REPS1: variants seen among roughly 807,000 people sequenced by gnomAD.
REPS1 encodes RALBP1 associated Eps domain containing 1, also known as ralBP1-associated Eps domain-containing protein 1.
REPS1 carries 39 observed loss-of-function variants against 100.9 expected under a neutral mutation model. That is an observed-to-expected ratio of 0.39 (90% confidence interval 0.30 to 0.50). The LOEUF (loss-of-function observed/expected upper bound fraction) is 0.50, where lower values mean the gene tolerates loss of function less well. REPS1 is among the 20% of genes least tolerant of loss of function. The pLI is 0.86. For missense variants in REPS1, 821 were observed against 968.5 expected (o/e 0.85, Z 2.02); for synonymous variants, 324 against 340.3 (o/e 0.95, Z 0.53).
At chr6:138,978,546 G>C (rs1375090312) in intron 1 of REPS1, among the ~76,000 whole-genome samples, 1 of 151,814 alleles carries the variant, frequency 6.6e-6, no homozygotes, top group East Asian at 1.9e-4. Context: ...CCGGGCTCAA[G>C]TGATCTGCCC....
intron 1 of REPS1, among the ~76,000 whole-genome samples, chr6:138,949,242 G>T (rs1028939627): frequency 1.3e-5 from 2 of 152,214 alleles, no homozygotes; most frequent in Non-Finnish European, 2.9e-5. Context: ...GACATTTTGG[G>T]AAGACACCAG....
At chr6:138,919,338 A>G (rs1273351944) in intron 12 of REPS1, among the ~76,000 whole-genome samples, 1 of 152,148 alleles carries the variant, frequency 6.6e-6, no homozygotes, top group Non-Finnish European at 1.5e-5. Flanking sequence ...GATTACCGCT[A>G]TCTCCTAAAT....
intron 1 of REPS1, among the ~76,000 whole-genome samples, chr6:138,974,756 C>T (rs1193973848): frequency 6.6e-6 from 1 of 152,096 alleles, no homozygotes; most frequent in East Asian, 1.9e-4. Flanking sequence ...TTCAAATATA[C>T]AGACTTTAAG....
rs1779503169 is a variant in REPS1, at chr6:138,904,198, T to C, written c.*866A>G. On this transcript the variant is annotated 3_prime_UTR_variant, in exon 20 of 20. Transcript: ENST00000450536. ...AAACAAAATCTAAAACAGCATATTG[T>C]CCTGAATAAGGCATACTCCAGAAAC... 1.3e-5 allele frequency: 2 copies of C among 152,182 alleles called. No homozygotes were observed. The highest frequency in any genetic ancestry group is 2.9e-5 in the Non-Finnish European group (2 of 68,010). 9.4% of individuals were successfully genotyped at this position (152,182 alleles called of 1,614,324 possible).
At chr6:138,982,953 C>T (rs1227747509) in intron 1 of REPS1, among the ~76,000 whole-genome samples, 1 of 152,124 alleles carries the variant, frequency 6.6e-6, no homozygotes, top group Non-Finnish European at 1.5e-5. Flanking sequence ...CTACTTACTA[C>T]GCAAAGGAGT....
intron 15 of REPS1, 85 bp downstream of exon 15, chr6:138,914,612 T>C: frequency 9.1e-7 from 1 of 1,095,812 alleles, no homozygotes; most frequent in South Asian, 1.3e-5. Context: ...ATTCCTGACC[T>C]TCCAAATAAT....
chr6:138,949,938 T>C (rs574374753), intron 1 of REPS1, among the ~76,000 whole-genome samples: 1 of 152,238 alleles, frequency 6.6e-6, no homozygotes, highest in East Asian at 1.9e-4. Context: ...CACATGTTGT[T>C]TTCTAGTTTA....
chr6:138,976,471 G>A (rs1784610014), intron 1 of REPS1, among the ~76,000 whole-genome samples: 1 of 152,182 alleles, frequency 6.6e-6, no homozygotes, highest in African/African-American at 2.4e-5. Context: ...TCATGATAGT[G>A]ACGGTGATTA....
In REPS1 at chr6:138,908,730, A is replaced by C. The variant is rs777946977; in HGVS notation, c.2154T>G (p.Asp718Glu). ...KSEDELRPEV[D>E]EHTQKTGVLA... ...AGACACCCGTCTTTTGTGTATGTTC[A>C]TCAACTTCTGGCCTTAATTCATCTT... Residue 718 changes from aspartate to glutamate, a missense_variant, in exon 18 of 20, where the codon GAT (aspartate) becomes GAG (glutamate). Around this residue, in one of 3 missense-constraint regions of REPS1, gnomAD observed 757 missense variants for 866.4 expected, o/e 0.87. Coordinates refer to ENST00000450536, the MANE Select transcript of REPS1 (RefSeq NM_001286611.2). 2.5e-6 allele frequency: 4 copies of C among 1,614,166 alleles called. No individual in the cohort carries two copies. Among genetic ancestry groups the C allele is most frequent in the Non-Finnish European group, 2.5e-6 (3 of 1,179,988 alleles).
intron 2 of REPS1, 104 bp downstream of exon 2, chr6:138,947,686 C>CA (rs1782730568): frequency 1.9e-6 from 2 of 1,069,598 alleles, no homozygotes; most frequent in Non-Finnish European, 2.6e-6. Flanking sequence ...CTCAAGGTCA[C>CA]AAATGCCACT....
At chr6:138,906,021 A>G (rs1562505033) in intron 19 of REPS1, among the ~76,000 whole-genome samples, 2 of 152,226 alleles carry the variant, frequency 1.3e-5, no homozygotes, top group Non-Finnish European at 2.9e-5. Context: ...CTGTTCTCAG[A>G]AGTAAGGAAA....
intron 1 of REPS1, among the ~76,000 whole-genome samples, chr6:138,958,747 A>ATCTGTGACTTTTTTCTTGT (rs1398088750): frequency 1.3e-5 from 2 of 152,168 alleles, no homozygotes; most frequent in African/African-American, 4.8e-5. Context: ...CTTTGTAATA[A>ATCTGTGACTTTTTTCTTGT]TCTGTGACTT....
chr6:138,955,457 A>AAGTGTGT (rs10689184), intron 1 of REPS1, among the ~76,000 whole-genome samples: 6,669 of 90,472 alleles, frequency 0.074, 317 homozygotes, highest in Non-Finnish European at 0.099. Flanking sequence ...AAAAAAAAAA[A>AAGTGTGT]GTGTGTGTGT....
At position 138,906,908 on chromosome 6, in the gene REPS1, G is replaced by A. The variant is rs372976443; in HGVS notation, c.2322+587C>T. ...ATGTTGGGGAACCATAAGCAATTCT[G>A]GGAGTAATTTTTTTTTTTGACTCAA... is the stretch of plus-strand genomic sequence containing the variant. On this transcript the variant is annotated intron_variant, in intron 19 of 19. Coordinates refer to ENST00000450536, the MANE Select transcript of REPS1 (RefSeq NM_001286611.2). 2.0e-5 allele frequency among the ~76,000 whole-genome samples: 3 copies of A among 152,166 alleles called. 1 individual carries two copies.
intron 1 of REPS1, among the ~76,000 whole-genome samples, chr6:138,985,623 A>G (rs184560719): frequency 6.6e-6 from 1 of 152,352 alleles, no homozygotes; most frequent in African/African-American, 2.4e-5. Flanking sequence ...AGTATACATA[A>G]CTGTAAGAGT....
At chr6:138,943,784 T>C in intron 6 of REPS1, 69 bp downstream of exon 6, 1 of 1,319,462 alleles carries the variant, frequency 7.6e-7, no homozygotes, top group South Asian at 1.4e-5. Flanking sequence ...AATAAAACAA[T>C]GTCTTTGATA....
chr6:138,936,628 G>GA (rs1781862965), intron 8 of REPS1, among the ~76,000 whole-genome samples: 1 of 134,850 alleles, frequency 7.4e-6, no homozygotes, highest in African/African-American at 2.8e-5. Flanking sequence ...TGTTTGGGGG[G>GA]GGGTAGAGGT....
intron 1 of REPS1, among the ~76,000 whole-genome samples, chr6:138,974,929 G>A (rs1379021543): frequency 6.6e-6 from 1 of 151,826 alleles, no homozygotes; most frequent in Non-Finnish European, 1.5e-5. Context: ...GGTTGAGGCT[G>A]CAGTGAGCCG....
chr6:138,952,840 T>G (rs542984539), intron 1 of REPS1, among the ~76,000 whole-genome samples: 20 of 151,818 alleles, frequency 1.3e-4, no homozygotes, highest in African/African-American at 2.4e-4. Context: ...TTTTGTTTTT[T>G]TTTTTTTGAG....
Sources: gnomAD v4.1 joint callset for allele counts (sites outside exome capture counted in the v4.1 genomes callset) on GRCh38, gnomAD v4.1.1 for gene constraint, gnomAD v4.1.1 regional missense constraint, MANE v1.5 for transcripts, NCBI Gene and HGNC (gene_info 2026-07-23, HGNC 2026-07-21) for gene names.